FANCC: variants seen among roughly 807,000 people sequenced by gnomAD.
The protein encoded by FANCC is Fanconi anemia group C protein.
In FANCC, 55 loss-of-function variants were observed where a neutral mutation model predicts 71.3. That is an observed-to-expected ratio of 0.77 (90% confidence interval 0.62 to 0.97). The LOEUF (loss-of-function observed/expected upper bound fraction) is 0.97. FANCC is among the 50% of genes least tolerant of loss of function. The pLI is 0.00. For synonymous variants in FANCC, 275 were observed against 244.9 expected (o/e 1.12, Z -1.15); for missense variants, 678 against 670.9 (o/e 1.01, Z -0.12).
intron 8 of FANCC, among the ~76,000 whole-genome samples, chr9:95,128,905 TCTC>T (rs752200253): frequency 1.8e-4 from 27 of 149,826 alleles, no homozygotes; most frequent in East Asian, 9.7e-4. Context: ...TGAAAACCAG[TCTC>T]CTTTTTTTTT....
At chr9:95,156,124 T>C (rs1419595277) in intron 6 of FANCC, among the ~76,000 whole-genome samples, 1 of 152,184 alleles carries the variant, frequency 6.6e-6, no homozygotes, top group Non-Finnish European at 1.5e-5. Context: ...TTGGTGTTGT[T>C]GTTGTTGTTA....
intron 1 of FANCC, chr9:95,292,284 C>A: frequency 3.2e-6 from 1 of 311,248 alleles, no homozygotes; most frequent in East Asian, 1.5e-4. Context: ...TATCTCTCAC[C>A]ACTTAGAAAA....
chr9:95,142,244 C>G (rs1263410399), intron 7 of FANCC, among the ~76,000 whole-genome samples: 4 of 151,996 alleles, frequency 2.6e-5, no homozygotes, highest in Non-Finnish European at 2.9e-5. Context: ...CCACCTGCCT[C>G]AGCCTTCCAA....
At chr9:95,228,817 G>C (rs1829800823) in intron 4 of FANCC, among the ~76,000 whole-genome samples, 1 of 152,162 alleles carries the variant, frequency 6.6e-6, no homozygotes, top group South Asian at 2.1e-4. Context: ...CCCCAGGAAG[G>C]AGTTGCTGGG....
At chr9:95,220,410 C>G (rs1327127683) in intron 4 of FANCC, among the ~76,000 whole-genome samples, 2 of 152,232 alleles carry the variant, frequency 1.3e-5, no homozygotes, top group African/African-American at 4.8e-5. Flanking sequence ...TATAAAGACA[C>G]ATGCACACGT....
At chr9:95,244,330 C>T (rs552515733) in intron 3 of FANCC, among the ~76,000 whole-genome samples, 1 of 152,280 alleles carries the variant, frequency 6.6e-6, no homozygotes, top group Non-Finnish European at 1.5e-5. Flanking sequence ...TGACTGGAAG[C>T]TCCTAATGGG....
At chr9:95,197,547 A>C (rs1051007790) in intron 4 of FANCC, among the ~76,000 whole-genome samples, 3 of 152,078 alleles carry the variant, frequency 2.0e-5, no homozygotes, top group Admixed American at 6.5e-5. Flanking sequence ...ACAAACAAAC[A>C]AACCCCAATA....
rs368233355 is a variant in FANCC at position 95,099,294 on chromosome 9, A to G, written c.*2413T>C. On this transcript the variant is annotated 3_prime_UTR_variant, in exon 15 of 15. Coordinates refer to ENST00000289081, the MANE Select transcript of FANCC (RefSeq NM_000136.3). ...CAAAAACTCCTGCTAGAGTAAGGTC[A>G]GATTCCAGACCCTGTCGCACCTCTG... The G allele has an allele frequency of 9.0e-6, 2 of 223,410 alleles. No individual in the cohort carries two copies. The highest frequency in any genetic ancestry group is 6.4e-5 in the East Asian group (1 of 15,520). 13.8% of individuals were successfully genotyped at this position (223,410 alleles called of 1,614,324 possible). A position where few individuals can be genotyped will look rare whatever the true frequency, so the allele number is the denominator to read the frequency against.
chr9:95,223,598 A>C (rs2135949630), intron 4 of FANCC, among the ~76,000 whole-genome samples: 1 of 152,326 alleles, frequency 6.6e-6, no homozygotes, highest in Non-Finnish European at 1.5e-5. Flanking sequence ...AAGTAATACA[A>C]GCTAATTATT....
At position 95,175,288 on chromosome 9, in the gene FANCC, G is replaced by A. The variant is rs536610061; in HGVS notation, c.346-3141C>T. Among the ~76,000 whole-genome samples, 14 of 147,434 alleles carry A rather than the reference G, an allele frequency of 9.5e-5. No individual in the cohort carries two copies. The East Asian group carries it at 2.7e-3, about 29-fold the overall frequency. ...AAAACATTACTACTCAGTAGAAGAC[G>A]TTCATGATTAATAAAAACAACAACA... On this transcript the variant is annotated intron_variant, in intron 4 of 14. Coordinates refer to ENST00000289081, the MANE Select transcript of FANCC (RefSeq NM_000136.3).
At chr9:95,144,111 A>G (rs1195293090) in intron 7 of FANCC, among the ~76,000 whole-genome samples, 1 of 143,656 alleles carries the variant, frequency 7.0e-6, no homozygotes, top group Non-Finnish European at 1.5e-5. Flanking sequence ...TGGTTTCCAA[A>G]TGACCACGCA....
At chr9:95,253,099 T>C (rs1831453279) in intron 1 of FANCC, among the ~76,000 whole-genome samples, 1 of 152,052 alleles carries the variant, frequency 6.6e-6, no homozygotes, top group Non-Finnish European at 1.5e-5. Context: ...CGCTCAGCAA[T>C]AGAAATGTAT....
At chr9:95,255,324 C>A (rs907864247) in intron 1 of FANCC, among the ~76,000 whole-genome samples, 1 of 152,056 alleles carries the variant, frequency 6.6e-6, no homozygotes, top group Admixed American at 6.5e-5. Context: ...TGGCAACTGG[C>A]GGGTGCCCCT....
chr9:95,274,540 CA>C (rs1209805536), intron 1 of FANCC, among the ~76,000 whole-genome samples: 1 of 152,106 alleles, frequency 6.6e-6, no homozygotes, highest in African/African-American at 2.4e-5. Context: ...GGTATATACC[CA>C]GTAATGGGAT....
chr9:95,306,064 G>A (rs550699535), intron 1 of FANCC, among the ~76,000 whole-genome samples: 7 of 152,172 alleles, frequency 4.6e-5, no homozygotes, highest in Non-Finnish European at 8.8e-5. Context: ...GTACAAACAT[G>A]TTGTACTGAT....
chr9:95,313,061 A>C (rs1835506143), intron 1 of FANCC, among the ~76,000 whole-genome samples: 1 of 152,220 alleles, frequency 6.6e-6, no homozygotes, highest in Non-Finnish European at 1.5e-5. Flanking sequence ...ATCACAGCGC[A>C]CTACAAGAGC....
chr9:95,227,148 ACT>A (rs915531855), intron 4 of FANCC, among the ~76,000 whole-genome samples: 10 of 151,346 alleles, frequency 6.6e-5, no homozygotes, highest in Admixed American at 5.9e-4. Flanking sequence ...CTCTCAACCC[ACT>A]CTCTCTCCTC....
Position 95,101,504 on chromosome 9 carries a change from TCTGA to T in FANCC, c.*199_*202del, listed in dbSNP as rs1378605049. 4.6e-6 allele frequency: 3 copies of T among 647,264 alleles called. No individual in the cohort carries two copies. The highest frequency in any genetic ancestry group is 3.7e-5 in the South Asian group (2 of 54,128). The allele number at this position is 647,264 out of a possible 1,614,324, so 40.1% of individuals were successfully genotyped here. A position where few individuals can be genotyped will look rare whatever the true frequency, so the allele number is the denominator to read the frequency against. The stretch of plus-strand genomic sequence containing the variant: ...CTCACTTGAGTCATTAGTGAACATG[TCTGA>T]CTGAGTCTGGGCTGAGGGACCTGGC... On this transcript the variant is annotated 3_prime_UTR_variant, in exon 15 of 15. Transcript: ENST00000289081.
At chr9:95,180,012 T>C (rs78393463) in intron 4 of FANCC, among the ~76,000 whole-genome samples, 5 of 152,380 alleles carry the variant, frequency 3.3e-5, no homozygotes, top group African/African-American at 1.2e-4. Context: ...GCTGATTCTA[T>C]CTTGTGGTTA....
Sources: gnomAD v4.1 joint callset for allele counts (sites outside exome capture counted in the v4.1 genomes callset) on GRCh38, gnomAD v4.1.1 for gene constraint, MANE v1.5 for transcripts, NCBI Gene and HGNC (gene_info 2026-07-23, HGNC 2026-07-21) for gene names.